Variants in RPGRIP1L observed in about 807,000 individuals in gnomAD.
The protein encoded by RPGRIP1L is protein fantom.
Under a neutral mutation model 160.4 loss-of-function variants are expected in RPGRIP1L, and 131 were observed. That is an observed-to-expected ratio of 0.82 (90% confidence interval 0.71 to 0.94). The LOEUF (loss-of-function observed/expected upper bound fraction) is 0.94, where lower values mean the gene tolerates loss of function less well. RPGRIP1L is among the 40% of genes least tolerant of loss of function. The pLI, the probability that RPGRIP1L is intolerant of heterozygous loss-of-function variation, is 0.00. For synonymous variants in RPGRIP1L, 510 were observed against 515.8 expected, an observed-to-expected ratio of 0.99 and a Z score of 0.15; for missense variants, 1,522 against 1,535.8, an observed-to-expected ratio of 0.99 and a Z score of 0.15.
intron 4 of RPGRIP1L, among the ~76,000 whole-genome samples, chr16:53,691,365 A>C (rs1970372296): frequency 6.6e-6 from 1 of 152,188 alleles, no homozygotes; most frequent in Admixed American, 6.5e-5. Flanking sequence ...TTTATGTTCT[A>C]TATTGAGTCT....
At chr16:53,650,707 T>G (rs891867997) in intron 15 of RPGRIP1L, among the ~76,000 whole-genome samples, 3 of 152,184 alleles carry the variant, frequency 2.0e-5, no homozygotes, top group African/African-American at 7.2e-5. Context: ...ATTACCTCAA[T>G]CAATCACTCA....
chr16:53,682,892 T>C (rs562104684), intron 6 of RPGRIP1L, among the ~76,000 whole-genome samples: 2 of 152,262 alleles, frequency 1.3e-5, no homozygotes, highest in East Asian at 3.9e-4. Context: ...TATCCCCTAA[T>C]TTAAATATGA....
Position 53,696,185 on chromosome 16 carries a change from G to T in RPGRIP1L, c.196C>A (p.Gln66Lys), listed in dbSNP as rs751444506. 3.6e-5 allele frequency: 58 copies of T among 1,613,842 alleles called. No individual in the cohort carries two copies. Among genetic ancestry groups the T allele is most frequent in the Non-Finnish European group, 4.7e-5 (55 of 1,179,980 alleles). The stretch of plus-strand genomic sequence containing the variant: ...TTATCCTCCTGCTTGCGGGCATGCT[G>T]TTTAAGTAAAATGTTCTCATCATGC... ...RLHDENILLK[Q>K]HARKQEDKIK... Residue 66 changes from glutamine (Q) to lysine (K), a missense_variant, in exon 3 of 27, where the codon CAG becomes AAG. Gln to Lys is a moderately conservative substitution (Grantham distance 53). Transcript: ENST00000647211.
At position 53,649,598 on chromosome 16, in the gene RPGRIP1L, T is replaced by TA. The variant is rs541348561; in HGVS notation, c.2153-484dup. Among the ~76,000 whole-genome samples the TA allele has an allele frequency of 3.9e-5, 6 of 152,334 alleles. No homozygotes were observed. In the East Asian group the frequency reaches 1.2e-3, roughly 29 times the overall value. On this transcript the variant is annotated intron_variant, in intron 15 of 26. Transcript: ENST00000647211. ...CCATTTCTAGACTATCTCACAAGCATAAGGGAAAATGTCATAGCTATGCCA... is the reference window on the plus strand; with the variant it reads ...CCATTTCTAGACTATCTCACAAGCATAAAGGGAAAATGTCATAGCTATGCCA...
intron 2 of RPGRIP1L, among the ~76,000 whole-genome samples, chr16:53,699,742 C>T (rs1971223457): frequency 6.9e-6 from 1 of 145,606 alleles, no homozygotes; most frequent in Non-Finnish European, 1.5e-5. Flanking sequence ...CGCTTAAATC[C>T]GGGAGGCGGA....
chr16:53,651,591 C>T (rs1345061825), intron 15 of RPGRIP1L, among the ~76,000 whole-genome samples: 1 of 152,160 alleles, frequency 6.6e-6, no homozygotes, highest in Non-Finnish European at 1.5e-5. Flanking sequence ...CAGGTTTTTG[C>T]ACTTGCTATT....
At position 53,639,204 on chromosome 16, in the gene RPGRIP1L, C is replaced by A. The variant is rs952402073; in HGVS notation, c.2959-793G>T. 7.9e-5 allele frequency among the ~76,000 whole-genome samples: 12 copies of A among 151,788 alleles called. 1 individual carries two copies. The South Asian group carries it at 8.3e-4, about 11-fold the overall frequency. ...GACTTTTACTATTTTTAAAAGTAAA[C>A]ATGGCCAATATAGGAAATGTAAAAG... is the stretch of plus-strand genomic sequence containing the variant. On this transcript the variant is annotated intron_variant, in intron 19 of 26. Coordinates refer to ENST00000647211, the MANE Select transcript of RPGRIP1L (RefSeq NM_015272.5).
chr16:53,655,280 T>C (rs1967154173), intron 14 of RPGRIP1L, among the ~76,000 whole-genome samples: 1 of 152,236 alleles, frequency 6.6e-6, no homozygotes, highest in African/African-American at 2.4e-5. Context: ...TTAAAAAAGG[T>C]ACTTTAATTT....
intron 10 of RPGRIP1L, among the ~76,000 whole-genome samples, chr16:53,662,378 C>A (rs1967877609): frequency 6.6e-6 from 1 of 152,092 alleles, no homozygotes; most frequent in South Asian, 2.1e-4. Context: ...TTTACATATC[C>A]TTCCCCCACA....
At chr16:53,686,953 G>A (rs1408739202) in intron 5 of RPGRIP1L, among the ~76,000 whole-genome samples, 1 of 152,116 alleles carries the variant, frequency 6.6e-6, no homozygotes, top group Non-Finnish European at 1.5e-5. Flanking sequence ...ACACTTCAGA[G>A]AGAGAGGGCA....
At chr16:53,629,304 T>C (rs1965366902) in intron 22 of RPGRIP1L, among the ~76,000 whole-genome samples, 1 of 152,202 alleles carries the variant, frequency 6.6e-6, no homozygotes, top group Non-Finnish European at 1.5e-5. Context: ...CACTTTTTTC[T>C]AAAGCTATGG....
At chr16:53,615,469 TA>T (rs1339962405) in intron 24 of RPGRIP1L, among the ~76,000 whole-genome samples, 10,283 of 70,476 alleles carry the variant, frequency 0.15, 664 homozygotes, top group East Asian at 0.27. Context: ...TATATATATA[TA>T]TATTTTTTTT....
At chr16:53,662,131 A>G (rs1017666582) in intron 10 of RPGRIP1L, among the ~76,000 whole-genome samples, 1 of 152,176 alleles carries the variant, frequency 6.6e-6, no homozygotes, top group East Asian at 1.9e-4. Context: ...AAATGAGATA[A>G]CATTTCACTC....
At chr16:53,685,967 G>A (rs1969978749) in intron 6 of RPGRIP1L, among the ~76,000 whole-genome samples, 1 of 152,182 alleles carries the variant, frequency 6.6e-6, no homozygotes, top group Non-Finnish European at 1.5e-5. Context: ...ACAGCCAACA[G>A]ATTGCAATCC....
intron 2 of RPGRIP1L, 141 bp from the exon 3 acceptor site, chr16:53,696,436 GT>G: frequency 1.2e-6 from 1 of 812,894 alleles, no homozygotes; most frequent in South Asian, 1.5e-5. Flanking sequence ...AGAAAATGTT[GT>G]ACCATTGTTT....
At chr16:53,624,674 T>C (rs2150983678) in intron 22 of RPGRIP1L, among the ~76,000 whole-genome samples, 1 of 152,302 alleles carries the variant, frequency 6.6e-6, no homozygotes, top group African/African-American at 2.4e-5. Context: ...GTGAATATTG[T>C]TGAATCTAGG....
chr16:53,680,834 A>AGAGG (rs1272461075), intron 6 of RPGRIP1L, among the ~76,000 whole-genome samples: 1 of 151,886 alleles, frequency 6.6e-6, no homozygotes, highest in African/African-American at 2.4e-5. Context: ...GAGAAGAGAG[A>AGAGG]GAGGGAGGGA....
At chr16:53,612,913 T>G (rs1184642092) in intron 24 of RPGRIP1L, among the ~76,000 whole-genome samples, 1 of 152,166 alleles carries the variant, frequency 6.6e-6, no homozygotes, top group African/African-American at 2.4e-5. Flanking sequence ...TTTCCATTCT[T>G]CCCTCTTCTC....
intron 6 of RPGRIP1L, among the ~76,000 whole-genome samples, chr16:53,684,891 A>G (rs1291091346): frequency 6.6e-6 from 1 of 152,162 alleles, no homozygotes; most frequent in African/African-American, 2.4e-5. Context: ...GAGTTTCTGC[A>G]CAGCAAAAGA....
Sources: gnomAD v4.1 joint callset for allele counts (sites outside exome capture counted in the v4.1 genomes callset) on GRCh38, gnomAD v4.1.1 for gene constraint, MANE v1.5 for transcripts, NCBI Gene and HGNC (gene_info 2026-07-23, HGNC 2026-07-21) for gene names.